Variants in ABTB3 observed in about 807,000 individuals in gnomAD.
ABTB3 encodes the protein ankyrin repeat and BTB domain containing 3, also known as ankyrin repeat- and BTB/POZ domain-containing protein 3.
At chr12:107,642,019 G>A in the ABTB3 span, 2 of 1,385,702 alleles carry the variant, frequency 1.4e-6, no homozygotes, top group Non-Finnish European at 1.0e-6. Flanking sequence ...ATTGTCAGGA[G>A]AGCAGAGTTT....
At chr12:107,631,543 G>A in the ABTB3 span, among the ~76,000 whole-genome samples, 1 of 152,250 alleles carries the variant, frequency 6.6e-6, no homozygotes, top group South Asian at 2.1e-4. Flanking sequence ...TCCTTAGTTC[G>A]TACCTGGTGT....
At chr12:107,617,140 G>A in the ABTB3 span, 2 of 1,614,182 alleles carry the variant, frequency 1.2e-6, no homozygotes, top group Non-Finnish European at 1.7e-6. Context: ...GCATGGCGAG[G>A]AGAACTACTC....
the ABTB3 span, among the ~76,000 whole-genome samples, chr12:107,571,420 C>T: frequency 6.6e-6 from 1 of 152,230 alleles, no homozygotes; most frequent in African/African-American, 2.4e-5. Flanking sequence ...CTGTGTGCTG[C>T]CTTTTGCTAC....
chr12:107,615,086 C>A, the ABTB3 span: 1 of 1,613,806 alleles, frequency 6.2e-7, no homozygotes, highest in South Asian at 1.1e-5. Context: ...CATAAATATC[C>A]ATCCGTCCAC....
chr12:107,562,954 T>A, the ABTB3 span, among the ~76,000 whole-genome samples: 1 of 152,206 alleles, frequency 6.6e-6, no homozygotes, highest in Admixed American at 6.5e-5. Flanking sequence ...AGGGAACATC[T>A]GAATGCAAGA....
chr12:107,616,431 A>G, the ABTB3 span, among the ~76,000 whole-genome samples: 2 of 152,240 alleles, frequency 1.3e-5, no homozygotes, highest in African/African-American at 4.8e-5. Flanking sequence ...GAATGAGACC[A>G]GGCATGGACA....
At chr12:107,518,184 A>G in the ABTB3 span, among the ~76,000 whole-genome samples, 1 of 152,198 alleles carries the variant, frequency 6.6e-6, no homozygotes, top group Non-Finnish European at 1.5e-5. Flanking sequence ...TAGTTCAACC[A>G]TTGTGGAAGA....
At chr12:107,627,599 C>T in the ABTB3 span, among the ~76,000 whole-genome samples, 1 of 152,316 alleles carries the variant, frequency 6.6e-6, no homozygotes, top group East Asian at 1.9e-4. Flanking sequence ...TGTGAAATGA[C>T]AGCTTCATCC....
the ABTB3 span, among the ~76,000 whole-genome samples, chr12:107,513,108 T>C: frequency 2.0e-5 from 3 of 152,194 alleles, no homozygotes; most frequent in Non-Finnish European, 4.4e-5. Context: ...AAATCTGAAT[T>C]TAAACATGTA....
At chr12:107,512,049 T>G in the ABTB3 span, among the ~76,000 whole-genome samples, 1 of 152,160 alleles carries the variant, frequency 6.6e-6, no homozygotes, top group Non-Finnish European at 1.5e-5. Context: ...AGGTTTTCGC[T>G]TAATAACTAC....
the ABTB3 span, among the ~76,000 whole-genome samples, chr12:107,652,621 C>G: frequency 6.6e-6 from 1 of 152,176 alleles, no homozygotes; most frequent in Non-Finnish European, 1.5e-5. Flanking sequence ...TAGTCCCCCA[C>G]CCCCGATGAC....
the ABTB3 span, among the ~76,000 whole-genome samples, chr12:107,544,550 C>T: frequency 2.6e-5 from 4 of 152,174 alleles, no homozygotes; most frequent in Non-Finnish European, 5.9e-5. Context: ...AAGTGGGCCT[C>T]TCAGGTGGGC....
At chr12:107,359,156 G>C in the ABTB3 span, among the ~76,000 whole-genome samples, 1 of 152,236 alleles carries the variant, frequency 6.6e-6, no homozygotes, top group African/African-American at 2.4e-5. Flanking sequence ...CAGACGTGGT[G>C]CCTGTGCTCA....
At chr12:107,439,360 C>A in the ABTB3 span, among the ~76,000 whole-genome samples, 1 of 152,184 alleles carries the variant, frequency 6.6e-6, no homozygotes, top group Non-Finnish European at 1.5e-5. Flanking sequence ...TTGACTCAGT[C>A]CTCTTGCTCC....
chr12:107,614,995 C>T, the ABTB3 span: 204,801 of 1,376,554 alleles, frequency 0.15, 17,072 homozygotes, highest in Non-Finnish European at 0.17. Context: ...GCCACAGATA[C>T]GTCAAATTTG....
the ABTB3 span, among the ~76,000 whole-genome samples, chr12:107,461,816 G>C: frequency 6.6e-6 from 1 of 152,300 alleles, no homozygotes; most frequent in Non-Finnish European, 1.5e-5. Flanking sequence ...CAGGCCTGGG[G>C]CTGGGGATCT....
At chr12:107,427,534 C>A in the ABTB3 span, among the ~76,000 whole-genome samples, 2 of 152,170 alleles carry the variant, frequency 1.3e-5, no homozygotes, top group Non-Finnish European at 2.9e-5. Flanking sequence ...GTGTGAGCCA[C>A]GGTGCCTGGC....
chr12:107,511,334 A>G, the ABTB3 span, among the ~76,000 whole-genome samples: 1 of 152,228 alleles, frequency 6.6e-6, no homozygotes, highest in Non-Finnish European at 1.5e-5. Flanking sequence ...AACTACCTCC[A>G]AATTCAGCGG....
the ABTB3 span, among the ~76,000 whole-genome samples, chr12:107,516,538 T>G: frequency 1.3e-5 from 2 of 152,170 alleles, no homozygotes; most frequent in South Asian, 4.1e-4. Flanking sequence ...GGCCCTGTTA[T>G]TCATTATTCA....
Sources: allele counts gnomAD v4.1 joint callset (sites outside exome capture counted in the v4.1 genomes callset), GRCh38; gene constraint gnomAD v4.1.1; transcripts MANE v1.5; gene names NCBI Gene and HGNC (gene_info 2026-07-23, HGNC 2026-07-21).